Variants in KANSL1 observed in about 807,000 individuals in gnomAD.
KANSL1 encodes the protein MLL1/MLL complex subunit KANSL1.
A neutral mutation model predicts 103.6 loss-of-function variants in KANSL1; 22 were observed. That is an observed-to-expected ratio of 0.21 (90% CI 0.15 to 0.30). KANSL1 has a LOEUF of 0.30. Ranked by LOEUF, KANSL1 falls within the 10% of genes least tolerant of loss-of-function variation. KANSL1 has a pLI of 1.00. For synonymous variants in KANSL1, 600 were observed against 527.6 expected, an observed-to-expected ratio of 1.14 and a Z score of -1.88; for missense variants, 1,337 against 1,399.8, an observed-to-expected ratio of 0.96 and a Z score of 0.72.
intron 1 of KANSL1, among the ~76,000 whole-genome samples, chr17:46,188,243 C>A (rs1159962314): frequency 6.6e-6 from 1 of 152,150 alleles, no homozygotes; most frequent in Admixed American, 6.5e-5. Context: ...GGATATTTGT[C>A]TTTTCTAATT....
At chr17:46,031,724 C>CT in intron 14 of KANSL1, 21 bp from the exon 15 acceptor site, 4 of 1,573,470 alleles carry the variant, frequency 2.5e-6, no homozygotes, top group Non-Finnish European at 3.5e-6. Flanking sequence ...ACAAGTTGCT[C>CT]TTTGAGGACC....
At chr17:46,217,866 A>C (rs1216342964) in intron 1 of KANSL1, among the ~76,000 whole-genome samples, 10 of 152,342 alleles carry the variant, frequency 6.6e-5, no homozygotes, top group Middle Eastern at 3.4e-3. Context: ...TTCTACAAAA[A>C]ATACAAAAAA....
intron 2 of KANSL1, chr17:46,148,383 T>C (rs2044854497): frequency 1.3e-5 from 2 of 152,352 alleles, no homozygotes; most frequent in Middle Eastern, 3.4e-3. Flanking sequence ...TATATAACTA[T>C]CACCTGGTTG....
At chr17:46,049,919 CT>C (rs66515942) in intron 7 of KANSL1, 382 of 146,094 alleles carry the variant, frequency 2.6e-3, no homozygotes, top group Middle Eastern at 7.0e-3. Context: ...ACAGACAAAA[CT>C]TTTTTTTTTT....
chr17:46,071,514 G>A (rs1415316398), intron 4 of KANSL1, among the ~76,000 whole-genome samples: 1 of 152,176 alleles, frequency 6.6e-6, no homozygotes, highest in Non-Finnish European at 1.5e-5. Flanking sequence ...CTCCTTAAAT[G>A]CAGGCACTCT....
intron 10 of KANSL1, chr17:46,037,893 A>C (rs2146351797): frequency 6.6e-6 from 1 of 152,396 alleles, no homozygotes. Context: ...ATGTGTCTGG[A>C]ATAGCTGTGC....
rs1568371666 is a variant in KANSL1 at position 46,037,131 on chromosome 17, T to C, written c.2541+1407A>G. Reference sequence around the variant, plus strand: ...CTCAATAAATGGTAAAAATTTCAAGTGATCCAGGCCTAAGTTAACATTCTC... The same window carrying C: ...CTCAATAAATGGTAAAAATTTCAAGCGATCCAGGCCTAAGTTAACATTCTC... On this transcript the variant is annotated intron_variant, in intron 10 of 14. Coordinates refer to ENST00000432791, the MANE Select transcript of KANSL1 (RefSeq NM_015443.4). Among the ~76,000 whole-genome samples, 2 of 152,330 alleles carry C rather than the reference T, an allele frequency of 1.3e-5. 1 individual carries two copies. Among genetic ancestry groups the C allele is most frequent in the South Asian group, 4.1e-4 (2 of 4,826 alleles).
intron 2 of KANSL1, among the ~76,000 whole-genome samples, chr17:46,115,252 A>G (rs4606752): frequency 0.14 from 21,647 of 151,700 alleles, 2,119 homozygotes; most frequent in Non-Finnish European, 0.22. Flanking sequence ...TAGAGATGGG[A>G]TTTTGCCATG....
At chr17:46,189,349 G>C (rs1407021911) in intron 1 of KANSL1, among the ~76,000 whole-genome samples, 1 of 152,130 alleles carries the variant, frequency 6.6e-6, no homozygotes, top group Non-Finnish European at 1.5e-5. Context: ...GGAATGGAAC[G>C]GAGAGGTCCT....
At chr17:46,136,894 A>G (rs1190710823) in intron 2 of KANSL1, among the ~76,000 whole-genome samples, 1 of 152,152 alleles carries the variant, frequency 6.6e-6, no homozygotes, top group Non-Finnish European at 1.5e-5. Context: ...ATTAAAAAAC[A>G]AAACAAAATG....
At chr17:46,058,733 ACACACACACACTCTCTCTCTCT>A (rs1167168182) in intron 6 of KANSL1, among the ~76,000 whole-genome samples, 226 of 61,282 alleles carry the variant, frequency 3.7e-3, no homozygotes, top group East Asian at 0.013. Flanking sequence ...ACACACACAC[ACACACACACACTCTCTCTCTCT>A]CTCTCTCTCT....
In KANSL1 at chr17:46,133,952, TAG is replaced by T. The variant is rs534503059; in HGVS notation, c.1289+36901_1289+36902del. ...AAATCAACAGATCCAAGATATATTTTAGAGAGTATTGTAGAAGACTAGGAATG... is the reference window on the plus strand; with the variant it reads ...AAATCAACAGATCCAAGATATATTTTAGAGTATTGTAGAAGACTAGGAATG... On this transcript the variant is annotated intron_variant, in intron 2 of 14. Transcript: ENST00000432791. Among the ~76,000 whole-genome samples the T allele has an allele frequency of 2.0e-4, 31 of 152,306 alleles. No homozygotes were observed. In the East Asian group the frequency reaches 3.5e-3, roughly 17 times the overall value.
chr17:46,039,282 A>G, intron 8 of KANSL1, 67 bp from the exon 9 acceptor site: 1 of 1,439,704 alleles, frequency 6.9e-7, no homozygotes, highest in Non-Finnish European at 9.3e-7. Context: ...TTCGAGTTCC[A>G]AGCTCTCGAG....
chr17:46,038,683 A>G lies in KANSL1; in HGVS notation c.2396T>C (p.Leu799Ser), dbSNP rs535801827. The stretch of plus-strand genomic sequence containing the variant: ...ACTGCTCATGTCTGTGTGATGCTTC[A>G]ACACTGCAGAAGTCAACAGAAAAGA... ...RDHSSERSEV[L>S]KHHTDMSSSS... is the part of the protein sequence containing the mutation. The change falls in exon 10 of 15, where the codon TTG becomes TCG. Residue 799 changes from leucine (L) to serine (S), a missense_variant. Leu to Ser is a moderately radical substitution (Grantham distance 145). Coordinates refer to ENST00000432791, the MANE Select transcript of KANSL1 (RefSeq NM_015443.4). The G allele has an allele frequency of 1.2e-6, 2 of 1,614,158 alleles. No individual in the cohort carries two copies. The highest frequency in any genetic ancestry group is 1.7e-6 in the Non-Finnish European group (2 of 1,180,036).
chr17:46,126,793 A>C (rs1185326191), intron 2 of KANSL1, among the ~76,000 whole-genome samples: 1 of 152,242 alleles, frequency 6.6e-6, no homozygotes, highest in Non-Finnish European at 1.5e-5. Flanking sequence ...AAACAAATAC[A>C]TAAACAGCCC....
chr17:46,102,031 T>C (rs2042343885), intron 2 of KANSL1, among the ~76,000 whole-genome samples: 1 of 152,098 alleles, frequency 6.6e-6, no homozygotes, highest in Non-Finnish European at 1.5e-5. Flanking sequence ...TCAGTGACAT[T>C]ACCACCAAAT....
intron 2 of KANSL1, chr17:46,156,833 A>C (rs1401085540): frequency 6.6e-6 from 1 of 151,160 alleles, no homozygotes; most frequent in African/African-American, 2.5e-5. Flanking sequence ...AGGGAGGTGG[A>C]GGTTGCACTG....
At chr17:46,141,177 T>C (rs1461962515) in intron 2 of KANSL1, among the ~76,000 whole-genome samples, 1 of 152,246 alleles carries the variant, frequency 6.6e-6, no homozygotes, top group Non-Finnish European at 1.5e-5. Context: ...TGAAAATTGT[T>C]TATCTGGTTC....
At chr17:46,213,402 A>T (rs2048229812) in intron 1 of KANSL1, among the ~76,000 whole-genome samples, 1 of 151,140 alleles carries the variant, frequency 6.6e-6, no homozygotes, top group African/African-American at 2.4e-5. Context: ...CTGGGTTCAC[A>T]CCATTCTCCT....
Sources: gnomAD v4.1 joint callset for allele counts (sites outside exome capture counted in the v4.1 genomes callset) on GRCh38, gnomAD v4.1.1 for gene constraint, MANE v1.5 for transcripts, NCBI Gene and HGNC (gene_info 2026-07-23, HGNC 2026-07-21) for gene names.